Variants in GNAI2 observed in about 807,000 individuals in gnomAD.
GNAI2 encodes the protein guanine nucleotide-binding protein G(i) subunit alpha-2.
GNAI2 carries 4 observed loss-of-function variants against 36.8 expected under a neutral mutation model. The ratio of observed to expected loss-of-function variants is 0.11; its 90% CI spans 0.05 to 0.25. The LOEUF is 0.25. Ranked by LOEUF, GNAI2 falls within the 10% of genes least tolerant of loss-of-function variation. The pLI is 1.00. For synonymous variants in GNAI2, 194 were observed against 194.1 expected (o/e 1.00, Z 0.01); for missense variants, 230 against 481.3 (o/e 0.48, Z 4.89).
At chr3:50,228,120 C>T (rs1700010539), upstream of GNAI2, among the ~76,000 whole-genome samples, 1 of 152,246 alleles carries the variant, frequency 6.6e-6, no homozygotes, top group South Asian at 2.1e-4. Flanking sequence ...GCTCTCTTCT[C>T]CCCGGAGACG....
chr3:50,244,957 T>C (rs1188285088), intron 1 of GNAI2, among the ~76,000 whole-genome samples: 1 of 151,908 alleles, frequency 6.6e-6, no homozygotes, highest in East Asian at 1.9e-4. Context: ...GACTGTCCTC[T>C]TCCCTCTCTG....
Position 50,242,217 on chromosome 3 carries a change from AG to A in GNAI2, c.118+5766del, listed in dbSNP as rs1553701240. On this transcript the variant is annotated intron_variant, in intron 1 of 8. Transcript: ENST00000313601. The surrounding 1 kb of genome is among the most constrained non-coding windows in gnomAD (Gnocchi z 4.8). Reference sequence around the variant, plus strand: ...ACTCCCCCCACCCCACCCACAGCAGAGGAGGAGACTGTCACCCCAGAGCCTG... The same window carrying A: ...ACTCCCCCCACCCCACCCACAGCAGAGAGGAGACTGTCACCCCAGAGCCTG... 2.0e-5 allele frequency among the ~76,000 whole-genome samples: 3 copies of A among 151,878 alleles called. No homozygotes were observed. Among genetic ancestry groups the A allele is most frequent in the Non-Finnish European group, 4.4e-5 (3 of 67,954 alleles).
At chr3:50,246,482 G>T (rs1700428596) in intron 1 of GNAI2, among the ~76,000 whole-genome samples, 2 of 152,214 alleles carry the variant, frequency 1.3e-5, no homozygotes, top group African/African-American at 4.8e-5. Context: ...AGAGAAGGAG[G>T]TGGTGTCCGG....
At chr3:50,257,348 C>T in intron 7 of GNAI2, 152 bp from the exon 8 acceptor site, 1 of 636,844 alleles carries the variant, frequency 1.6e-6, no homozygotes, top group Non-Finnish European at 2.8e-6. Flanking sequence ...GCACATCTGG[C>T]ATGTATGGGC....
chr3:50,232,864 G>T (rs1373078106), upstream of GNAI2, among the ~76,000 whole-genome samples: 1 of 151,942 alleles, frequency 6.6e-6, no homozygotes, highest in African/African-American at 2.4e-5. Context: ...AGGGGTAGGG[G>T]AGGGGGTCAT....
At chr3:50,248,281 T>C (rs1324461502) in intron 1 of GNAI2, among the ~76,000 whole-genome samples, 3 of 152,024 alleles carry the variant, frequency 2.0e-5, no homozygotes, top group Admixed American at 6.6e-5. Context: ...CAGCCACCCC[T>C]CTGAGAGGCA....
At chr3:50,228,975 A>G, upstream of GNAI2, 1 of 152,056 alleles carries the variant, frequency 6.6e-6, no homozygotes, top group Non-Finnish European at 1.5e-5. Flanking sequence ...GTCACAATCT[A>G]CAGGAAGCCC....
chr3:50,235,619 C>A (rs1700145308), upstream of GNAI2, among the ~76,000 whole-genome samples: 1 of 151,598 alleles, frequency 6.6e-6, no homozygotes, highest in African/African-American at 2.4e-5. Flanking sequence ...TGCGCCCGGC[C>A]TTTTTTTTTC....
At chr3:50,251,253 A>G (rs782730105) in intron 1 of GNAI2, 1 of 535,838 alleles carries the variant, frequency 1.9e-6, no homozygotes, top group Non-Finnish European at 2.4e-6. Flanking sequence ...TCTTAGATCA[A>G]TACTTTATTT....
chr3:50,243,416 G>T (rs1700340723), intron 1 of GNAI2, among the ~76,000 whole-genome samples: 1 of 152,246 alleles, frequency 6.6e-6, no homozygotes, highest in African/African-American at 2.4e-5. Context: ...GCCACAGGCT[G>T]AGATGAATGC....
upstream of GNAI2, among the ~76,000 whole-genome samples, chr3:50,228,545 G>A (rs1700017124): frequency 7.5e-6 from 1 of 133,348 alleles, no homozygotes; most frequent in African/African-American, 3.1e-5. Flanking sequence ...GCAAGACTCC[G>A]TCTCCAAAAA....
At chr3:50,246,766 G>C (rs1700434377) in intron 1 of GNAI2, 1 of 528,936 alleles carries the variant, frequency 1.9e-6, no homozygotes, top group Non-Finnish European at 3.1e-6. Context: ...CTGGCTTTCT[G>C]GGTGTGTGCA....
rs1490303109 is a variant in GNAI2 at position 50,241,243 on chromosome 3, C to T, written c.118+4790C>T. ...GGCCTCCAGCCCCTACACTCTACCC[C>T]AGCCCTCTCCTTCACTGCTGGAGCT... On this transcript the variant is annotated intron_variant, in intron 1 of 8. Transcript: ENST00000313601. This position sits in a 1 kb window ranked among gnomAD's most constrained non-coding sequence, Gnocchi z 5.0. Among the ~76,000 whole-genome samples the T allele has an allele frequency of 1.2e-4, 18 of 152,232 alleles. No individual in the cohort carries two copies. The highest frequency in any genetic ancestry group is 3.9e-4 in the African/African-American group (16 of 41,450).
At chr3:50,228,203 T>G (rs1374085530), upstream of GNAI2, among the ~76,000 whole-genome samples, 1 of 152,214 alleles carries the variant, frequency 6.6e-6, no homozygotes, top group African/African-American at 2.4e-5. Flanking sequence ...CCCATCTCTC[T>G]TATCCTCAGG....
chr3:50,256,096 G>T, intron 4 of GNAI2, 96 bp from the exon 5 acceptor site: 1 of 479,642 alleles, frequency 2.1e-6, no homozygotes, highest in Non-Finnish European at 4.0e-6. Flanking sequence ...CTTGAGAAAT[G>T]GCATGGGAGG....
rs587672414 is a variant in GNAI2, at chr3:50,242,211, C to G, written c.118+5758C>G. 3.9e-5 allele frequency among the ~76,000 whole-genome samples: 6 copies of G among 152,126 alleles called. No individual in the cohort carries two copies. The highest frequency in any genetic ancestry group is 7.4e-5 in the Non-Finnish European group (5 of 68,014). On this transcript the variant is annotated intron_variant, in intron 1 of 8. Transcript: ENST00000313601. This position sits in a 1 kb window ranked among gnomAD's most constrained non-coding sequence, Gnocchi z 4.8. ...CCAGGGACTCCCCCCACCCCACCCACAGCAGAGGAGGAGACTGTCACCCCA... is the reference window on the plus strand; with the variant it reads ...CCAGGGACTCCCCCCACCCCACCCAGAGCAGAGGAGGAGACTGTCACCCCA...
chr3:50,256,363 G>A, intron 5 of GNAI2, 43 bp downstream of exon 5: 1 of 1,594,344 alleles, frequency 6.3e-7, no homozygotes, highest in Non-Finnish European at 8.6e-7. Flanking sequence ...GGACCTGCCA[G>A]CCTCTGGGGT....
At chr3:50,240,645 G>A (rs992587967) in intron 1 of GNAI2, among the ~76,000 whole-genome samples, 1 of 152,092 alleles carries the variant, frequency 6.6e-6, no homozygotes, top group South Asian at 2.1e-4. Flanking sequence ...GGCCAGGCGC[G>A]GTGGCTCACA....
At chr3:50,258,023 G>A (rs1301751864) in intron 8 of GNAI2, 2 of 252,738 alleles carry the variant, frequency 7.9e-6, no homozygotes, top group Non-Finnish European at 1.5e-5. Context: ...TCACCCACCA[G>A]GCCATTGGCC....
Sources: allele counts gnomAD v4.1 joint callset (sites outside exome capture counted in the v4.1 genomes callset), GRCh38; gene constraint gnomAD v4.1.1; non-coding constraint Gnocchi (gnomAD v3.1); transcripts MANE v1.5; gene names NCBI Gene and HGNC (gene_info 2026-07-23, HGNC 2026-07-21).